PRR16: variants seen among roughly 807,000 people sequenced by gnomAD.
The protein encoded by PRR16 is protein Largen.
In PRR16, 6 loss-of-function variants were observed where a neutral mutation model predicts 18.2. That is an observed-to-expected ratio of 0.33 (90% CI 0.18 to 0.65). The LOEUF (loss-of-function observed/expected upper bound fraction) is 0.65, where lower values mean the gene tolerates loss of function less well. Ranked by LOEUF, PRR16 falls within the 30% of genes least tolerant of loss-of-function variation. PRR16 has a pLI of 0.74. For missense variants in PRR16, 412 were observed against 376.6 expected, an observed-to-expected ratio of 1.09 and a Z score of -0.78; for synonymous variants, 151 against 147.8, an observed-to-expected ratio of 1.02 and a Z score of -0.16.
chr5:120,695,535 C>T, the PRR16 span, among the ~76,000 whole-genome samples: 1 of 152,166 alleles, frequency 6.6e-6, no homozygotes, highest in African/African-American at 2.4e-5. Context: ...TTCCCACCTG[C>T]CTGCTCACTT....
the PRR16 span, among the ~76,000 whole-genome samples, chr5:120,725,740 G>A: frequency 1.3e-5 from 2 of 152,056 alleles, no homozygotes. Flanking sequence ...TAATGTGATA[G>A]CCTTGAGTGC....
At chr5:120,695,556 C>T in the PRR16 span, among the ~76,000 whole-genome samples, 1 of 152,148 alleles carries the variant, frequency 6.6e-6, no homozygotes, top group Non-Finnish European at 1.5e-5. Context: ...GACCTCTTGC[C>T]TTAGTTTCTA....
intron 1 of PRR16, among the ~76,000 whole-genome samples, chr5:120,584,817 C>T (rs1580753335): frequency 6.6e-6 from 1 of 152,068 alleles, no homozygotes. Context: ...GTAGAAGGGC[C>T]TCTGGATGCT....
chr5:120,720,658 G>A, the PRR16 span, among the ~76,000 whole-genome samples: 2 of 151,816 alleles, frequency 1.3e-5, no homozygotes, highest in African/African-American at 4.8e-5. Flanking sequence ...CTTGAAATTT[G>A]GAAAATAAAT....
intron 1 of PRR16, among the ~76,000 whole-genome samples, chr5:120,522,389 T>C (rs1751213842): frequency 6.6e-6 from 1 of 152,202 alleles, no homozygotes; most frequent in Non-Finnish European, 1.5e-5. Flanking sequence ...TGGTATCTCA[T>C]TGTGGTTTTG....
chr5:120,665,423 T>G (rs1339377232), intron 1 of PRR16, among the ~76,000 whole-genome samples: 1 of 152,016 alleles, frequency 6.6e-6, no homozygotes, highest in African/African-American at 2.4e-5. Flanking sequence ...TTCACTCTGA[T>G]GGTAGTTTCT....
intron 1 of PRR16, among the ~76,000 whole-genome samples, chr5:120,614,565 GCCT>G (rs1754444919): frequency 6.6e-6 from 1 of 152,174 alleles, no homozygotes. Flanking sequence ...TAATTTTCAA[GCCT>G]TTTCCACTTT....
At chr5:120,681,614 C>G (rs906837481) in intron 1 of PRR16, among the ~76,000 whole-genome samples, 4 of 152,066 alleles carry the variant, frequency 2.6e-5, no homozygotes, top group Admixed American at 6.6e-5. Flanking sequence ...GATTATTTAC[C>G]TTTCACTGAA....
At chr5:120,506,599 T>C (rs895108526) in intron 1 of PRR16, among the ~76,000 whole-genome samples, 5 of 152,108 alleles carry the variant, frequency 3.3e-5, no homozygotes, top group Non-Finnish European at 7.4e-5. Context: ...ATAGTTTTGA[T>C]TTGCATTACT....
chr5:120,589,304 G>A (rs1524565), intron 1 of PRR16, among the ~76,000 whole-genome samples: 51,354 of 151,808 alleles, frequency 0.34, 9,084 homozygotes, highest in Middle Eastern at 0.45. Flanking sequence ...ACACCTCTGC[G>A]GATGCCACTC....
intron 1 of PRR16, among the ~76,000 whole-genome samples, chr5:120,477,543 A>G: frequency 6.6e-6 from 1 of 152,238 alleles, no homozygotes. Context: ...GCCACACTTT[A>G]TTTCTCACTT....
chr5:120,487,272 C>T (rs758307323), intron 1 of PRR16, among the ~76,000 whole-genome samples: 43 of 152,252 alleles, frequency 2.8e-4, no homozygotes, highest in Non-Finnish European at 5.4e-4. Flanking sequence ...ATTCTTCCTA[C>T]CCATGAGCAT....
In PRR16 at chr5:120,464,435, A is replaced by C; in HGVS notation, c.-52A>C. 4 of 1,510,962 alleles carry C rather than the reference A, an allele frequency of 2.6e-6. No individual in the cohort carries two copies. The highest frequency in any genetic ancestry group is 3.5e-6 in the Non-Finnish European group (4 of 1,130,850). 93.6% of individuals were successfully genotyped at this position (1,510,962 alleles called of 1,614,324 possible). On this transcript the variant is annotated 5_prime_UTR_variant, in exon 1 of 2. Transcript: ENST00000407149. ...AGCAGCGCCAGGGACGGGGGCACGCAGCAGCCTCCGCTCGCCCGCCTGTCC... is the reference window on the plus strand; with the variant it reads ...AGCAGCGCCAGGGACGGGGGCACGCCGCAGCCTCCGCTCGCCCGCCTGTCC...
At chr5:120,640,625 C>T (rs1165499445) in intron 1 of PRR16, among the ~76,000 whole-genome samples, 1 of 152,084 alleles carries the variant, frequency 6.6e-6, no homozygotes, top group Non-Finnish European at 1.5e-5. Context: ...GTCAGTGGAT[C>T]ATTACATATG....
At chr5:120,754,715 C>T in the PRR16 span, among the ~76,000 whole-genome samples, 2 of 142,690 alleles carry the variant, frequency 1.4e-5, no homozygotes, top group African/African-American at 2.6e-5. Flanking sequence ...AAAACATAAG[C>T]AAAATTGTAA....
the PRR16 span, among the ~76,000 whole-genome samples, chr5:120,738,023 T>C: frequency 3.3e-5 from 5 of 151,910 alleles, no homozygotes; most frequent in East Asian, 3.9e-4. Context: ...AGGAAATATA[T>C]GAAACAAAGA....
At chr5:120,690,705 A>G (rs1757199243), downstream of PRR16, among the ~76,000 whole-genome samples, 1 of 152,184 alleles carries the variant, frequency 6.6e-6, no homozygotes, top group Non-Finnish European at 1.5e-5. Context: ...GAATTCTTCA[A>G]GTTACATGAT....
At chr5:120,500,889 C>CT (rs1750428977) in intron 1 of PRR16, among the ~76,000 whole-genome samples, 1 of 151,732 alleles carries the variant, frequency 6.6e-6, no homozygotes. Flanking sequence ...TATGTTTTTT[C>CT]TTTTTTTATC....
At chr5:120,490,300 A>G (rs1277629690) in intron 1 of PRR16, among the ~76,000 whole-genome samples, 1 of 152,172 alleles carries the variant, frequency 6.6e-6, no homozygotes, top group African/African-American at 2.4e-5. Flanking sequence ...AATCGGATGT[A>G]GATTTGGTCG....
Sources: allele counts gnomAD v4.1 joint callset (sites outside exome capture counted in the v4.1 genomes callset), GRCh38; gene constraint gnomAD v4.1.1; transcripts MANE v1.5; gene names NCBI Gene and HGNC (gene_info 2026-07-23, HGNC 2026-07-21).